The following EML4 variants were observed in gnomAD, a reference collection of about 807,000 sequenced individuals.
EML4 encodes the protein EMAP like 4.
EML4 carries 72 observed loss-of-function variants against 129.0 expected under a neutral mutation model. The observed-to-expected ratio is 0.56, with a 90% confidence interval of 0.46 to 0.68. The LOEUF (loss-of-function observed/expected upper bound fraction) is 0.68, where lower values mean the gene tolerates loss of function less well. EML4 is among the 30% of genes least tolerant of loss of function. The pLI, the probability that EML4 is intolerant of heterozygous loss-of-function variation, is 0.00. For missense variants in EML4, 1,363 were observed against 1,190.6 expected (o/e 1.14, Z -2.13); for synonymous variants, 532 against 405.0 (o/e 1.31, Z -3.77).
chr2:42,178,107 T>C lies in EML4; in HGVS notation c.25+8471T>C, dbSNP rs146991543. On this transcript the variant is annotated intron_variant, in intron 1 of 22. Coordinates refer to ENST00000318522, the MANE Select transcript of EML4 (RefSeq NM_019063.5). Reference sequence around the variant, plus strand: ...AGAATCTGAATATAATTAGAATATGTTTAACAGCAGCAGCAGCAGAAAGAT... The same window carrying C: ...AGAATCTGAATATAATTAGAATATGCTTAACAGCAGCAGCAGCAGAAAGAT... Among the ~76,000 whole-genome samples, 453 of 152,290 alleles carry C rather than the reference T, an allele frequency of 3.0e-3. 2 individuals carry two copies. The highest frequency in any genetic ancestry group is 1.0e-2 in the African/African-American group (414 of 41,546).
In EML4 at chr2:42,331,020, A is replaced by G. The variant is rs746065035; in HGVS notation, c.*813A>G. On this transcript the variant is annotated 3_prime_UTR_variant, in exon 23 of 23. Coordinates refer to ENST00000318522, the MANE Select transcript of EML4 (RefSeq NM_019063.5). The stretch of plus-strand genomic sequence containing the variant: ...AACATTCTCAAATGTTTGAGATTCA[A>G]GTGAATGGAAGGAAAACCACATGCC... 14 of 213,860 alleles carry G rather than the reference A, an allele frequency of 6.5e-5. 1 individual carries two copies. The highest frequency in any genetic ancestry group is 2.7e-4 in the African/African-American group (12 of 44,390). 13.2% of individuals were successfully genotyped at this position (213,860 alleles called of 1,614,324 possible).
chr2:42,240,988 A>G (rs1215326939), intron 1 of EML4, among the ~76,000 whole-genome samples: 1 of 152,138 alleles, frequency 6.6e-6, no homozygotes, highest in Non-Finnish European at 1.5e-5. Context: ...CTACAAAAAA[A>G]TAAAAGTTAG....
chr2:42,208,163 G>A (rs1672672258), intron 1 of EML4: 1 of 152,060 alleles, frequency 6.6e-6, no homozygotes. Context: ...ACTCTGGGAG[G>A]GAGGTCTTAT....
chr2:42,304,929 G>A (rs927148585), intron 17 of EML4, among the ~76,000 whole-genome samples: 3 of 152,116 alleles, frequency 2.0e-5, no homozygotes, highest in African/African-American at 7.2e-5. Context: ...AACCAGCCTG[G>A]CCAATGTAGC....
chr2:42,279,002 C>T (rs1432978798), intron 6 of EML4, among the ~76,000 whole-genome samples: 2 of 151,940 alleles, frequency 1.3e-5, no homozygotes, highest in Non-Finnish European at 2.9e-5. Context: ...TTTAGACTGT[C>T]GCAGATCTTA....
chr2:42,241,586 A>C (rs375708494), intron 1 of EML4, among the ~76,000 whole-genome samples: 6 of 152,164 alleles, frequency 3.9e-5, no homozygotes, highest in Admixed American at 6.5e-5. Flanking sequence ...GTTCCAATCT[A>C]TTTTCACACA....
chr2:42,266,392 G>T (rs561163870), intron 6 of EML4, among the ~76,000 whole-genome samples: 5 of 152,140 alleles, frequency 3.3e-5, no homozygotes, highest in Non-Finnish European at 7.3e-5. Context: ...TGTTGCCCCG[G>T]CTGGAGTGCA....
intron 1 of EML4, among the ~76,000 whole-genome samples, chr2:42,242,148 C>G (rs1675078827): frequency 6.6e-6 from 1 of 152,058 alleles, no homozygotes; most frequent in South Asian, 2.1e-4. Flanking sequence ...GCACCCTAAC[C>G]TTGGCATTAT....
intron 1 of EML4, among the ~76,000 whole-genome samples, chr2:42,222,918 C>T (rs1673706147): frequency 6.6e-6 from 1 of 152,110 alleles, no homozygotes; most frequent in Non-Finnish European, 1.5e-5. Flanking sequence ...CCTGCCTCAG[C>T]CTCCCAAGTA....
chr2:42,197,221 C>T (rs12472907), intron 1 of EML4, among the ~76,000 whole-genome samples: 1 of 151,846 alleles, frequency 6.6e-6, no homozygotes, highest in Admixed American at 6.6e-5. Context: ...CACCACCACT[C>T]CTGGCTAATT....
chr2:42,228,449 G>A (rs543499553), intron 1 of EML4, among the ~76,000 whole-genome samples: 18 of 152,164 alleles, frequency 1.2e-4, no homozygotes, highest in Admixed American at 4.6e-4. Flanking sequence ...TTTGAAATAG[G>A]CTAAAACATC....
At chr2:42,274,220 A>G (rs938151059) in intron 6 of EML4, among the ~76,000 whole-genome samples, 4 of 152,258 alleles carry the variant, frequency 2.6e-5, no homozygotes, top group African/African-American at 9.6e-5. Flanking sequence ...TAAATATAAA[A>G]CTCAAATTCC....
chr2:42,194,656 G>A (rs751760660), intron 1 of EML4, among the ~76,000 whole-genome samples: 1 of 151,756 alleles, frequency 6.6e-6, no homozygotes, highest in Admixed American at 6.6e-5. Context: ...GACTACTGAT[G>A]TGTACCACCA....
rs139630593 is a variant in EML4, at chr2:42,303,152, G to A, written c.1690G>A (p.Asp564Asn). The change falls in exon 15 of 23, where the codon GAT (aspartate) becomes AAT (asparagine). Residue 564 changes from aspartate to asparagine, a missense_variant. Coordinates refer to ENST00000318522, the MANE Select transcript of EML4 (RefSeq NM_019063.5). ...TIRAVAEGKA[D>N]QFLVGTSRNF... ...CAGAGCTGTAGCAGAAGGAAAGGCA[G>A]ATCAATTTTTAGTAGGCACATCACG... 345 of 1,614,000 alleles carry A rather than the reference G, an allele frequency of 2.1e-4. No homozygotes were observed. Among genetic ancestry groups the A allele is most frequent in the Middle Eastern group, 1.6e-4 (1 of 6,084 alleles).
chr2:42,307,391 C>T (rs550574370), intron 17 of EML4, among the ~76,000 whole-genome samples: 1 of 152,266 alleles, frequency 6.6e-6, no homozygotes, highest in East Asian at 1.9e-4. Context: ...GCTGGCAGTC[C>T]ATTTGGGGAT....
chr2:42,180,531 C>G (rs865977774), intron 1 of EML4, among the ~76,000 whole-genome samples: 1 of 152,154 alleles, frequency 6.6e-6, no homozygotes, highest in Non-Finnish European at 1.5e-5. Context: ...TTAGTCATTT[C>G]TTTCCTGGCC....
At chr2:42,220,371 T>G (rs6544521) in intron 1 of EML4, among the ~76,000 whole-genome samples, 1 of 151,592 alleles carries the variant, frequency 6.6e-6, no homozygotes, top group African/African-American at 2.4e-5. Context: ...TCACAGTATT[T>G]CAAACTTTTT....
At chr2:42,219,342 G>A (rs1034405278) in intron 1 of EML4, among the ~76,000 whole-genome samples, 10 of 152,128 alleles carry the variant, frequency 6.6e-5, no homozygotes, top group Admixed American at 2.6e-4. Flanking sequence ...TGTATATGTG[G>A]ATTGTGCAGG....
chr2:42,224,521 A>G (rs1287856648), intron 1 of EML4, among the ~76,000 whole-genome samples: 1 of 152,116 alleles, frequency 6.6e-6, no homozygotes, highest in Non-Finnish European at 1.5e-5. Context: ...AGTCATGGGC[A>G]AGTTTTTATG....
Sources: allele counts gnomAD v4.1 joint callset (sites outside exome capture counted in the v4.1 genomes callset), GRCh38; gene constraint gnomAD v4.1.1; transcripts MANE v1.5; gene names NCBI Gene and HGNC (gene_info 2026-07-23, HGNC 2026-07-21).